The following MBOAT1 variants were observed in gnomAD, a reference collection of about 807,000 sequenced individuals.
The protein encoded by MBOAT1 is membrane-bound glycerophospholipid O-acyltransferase 1.
In MBOAT1, 67 loss-of-function variants were observed where a neutral mutation model predicts 64.4. The observed-to-expected ratio is 1.04, with a 90% confidence interval of 0.85 to 1.27. The LOEUF is 1.27. MBOAT1 is among the 50% of genes most tolerant of loss of function. MBOAT1 has a pLI of 0.00. For synonymous variants in MBOAT1, 229 were observed against 218.9 expected, an observed-to-expected ratio of 1.05 and a Z score of -0.41; for missense variants, 563 against 604.6, an observed-to-expected ratio of 0.93 and a Z score of 0.72.
At position 20,118,446 on chromosome 6, in the gene MBOAT1, C is replaced by T; in HGVS notation, c.1002G>A (p.Trp334Ter). 2 of 1,613,722 alleles carry T rather than the reference C, an allele frequency of 1.2e-6. No individual in the cohort carries two copies. Among genetic ancestry groups the T allele is most frequent in the Non-Finnish European group, 1.7e-6 (2 of 1,179,750 alleles). Residue 334 changes from tryptophan to a stop codon, truncating the protein, a stop_gained, in exon 9 of 13, where the codon TGG becomes TGA. Coordinates refer to ENST00000324607, the MANE Select transcript of MBOAT1 (RefSeq NM_001080480.3). LOFTEE classifies it high-confidence loss of function. ...CWDLLSNLNI[W>*]KIETATSFKM... Reference sequence around the variant, plus strand: ...AAAAGCATACACTCACCTCAATTTTCCAGATGTTTAGGTTCGAAAGCAGAT... The same window carrying T: ...AAAAGCATACACTCACCTCAATTTTTCAGATGTTTAGGTTCGAAAGCAGAT...
chr6:20,182,545 T>A (rs1444274622), intron 1 of MBOAT1, among the ~76,000 whole-genome samples: 1 of 152,166 alleles, frequency 6.6e-6, no homozygotes, highest in Non-Finnish European at 1.5e-5. Flanking sequence ...TCTCCCTCAG[T>A]CTGCCCAAGG....
intron 1 of MBOAT1, among the ~76,000 whole-genome samples, chr6:20,165,868 A>G (rs1444691426): frequency 1.3e-5 from 2 of 152,202 alleles, no homozygotes; most frequent in Non-Finnish European, 2.9e-5. Context: ...AGGTCCTTCC[A>G]GGCATCTAGG....
At chr6:20,137,727 CA>C (rs1182327359) in intron 4 of MBOAT1, among the ~76,000 whole-genome samples, 1 of 151,870 alleles carries the variant, frequency 6.6e-6, no homozygotes, top group Non-Finnish European at 1.5e-5. Context: ...AACACACACA[CA>C]CACACACACA....
intron 12 of MBOAT1, among the ~76,000 whole-genome samples, chr6:20,105,767 G>A (rs938339404): frequency 3.9e-5 from 6 of 152,192 alleles, no homozygotes; most frequent in Non-Finnish European, 8.8e-5. Context: ...CGGCAACGGA[G>A]GAGACCCCAA....
At chr6:20,110,038 T>C (rs1016195750) in intron 11 of MBOAT1, among the ~76,000 whole-genome samples, 1 of 150,830 alleles carries the variant, frequency 6.6e-6, no homozygotes, top group African/African-American at 2.4e-5. Flanking sequence ...GCCTCCCAAG[T>C]AGCTGGGATT....
chr6:20,131,021 GAACAAGATAA>G (rs1385065929), intron 5 of MBOAT1, 113 bp downstream of exon 5: 3 of 829,146 alleles, frequency 3.6e-6, no homozygotes, highest in Non-Finnish European at 5.8e-6. Flanking sequence ...TGGAAATTTT[GAACAAGATAA>G]AGCAAGATCT....
intron 12 of MBOAT1, 133 bp downstream of exon 12, chr6:20,109,465 A>C (rs2457334): frequency 0.41 from 460,882 of 1,111,282 alleles, 97,565 homozygotes; most frequent in South Asian, 0.48. Flanking sequence ...TAAAGCTTCT[A>C]TGGACACTTC....
At chr6:20,118,373 A>C in intron 9 of MBOAT1, 64 bp downstream of exon 9, 1 of 1,329,872 alleles carries the variant, frequency 7.5e-7, no homozygotes, top group South Asian at 1.2e-5. Context: ...CTGGGGATAC[A>C]ACACTCAAAG....
At chr6:20,108,099 G>C (rs867526968) in intron 12 of MBOAT1, among the ~76,000 whole-genome samples, 3 of 152,320 alleles carry the variant, frequency 2.0e-5, no homozygotes, top group Middle Eastern at 6.8e-3. Context: ...CCCCAGTGAA[G>C]GGGGCTCCTG....
intron 4 of MBOAT1, among the ~76,000 whole-genome samples, chr6:20,131,502 T>C (rs528256771): frequency 2.6e-5 from 4 of 152,320 alleles, no homozygotes; most frequent in Non-Finnish European, 2.9e-5. Flanking sequence ...TCCGCCATGA[T>C]TGTAAGTTTC....
At chr6:20,148,007 G>A (rs1482896784) in intron 3 of MBOAT1, among the ~76,000 whole-genome samples, 9 of 152,222 alleles carry the variant, frequency 5.9e-5, no homozygotes, top group African/African-American at 1.9e-4. Context: ...TTCTGCTCCA[G>A]TTGGTTCACG....
intron 4 of MBOAT1, among the ~76,000 whole-genome samples, chr6:20,136,847 C>T (rs896958194): frequency 2.0e-5 from 3 of 152,160 alleles, no homozygotes; most frequent in African/African-American, 7.2e-5. Context: ...ATACTGCTTT[C>T]GCATTTTCAA....
At chr6:20,177,773 CAAA>C (rs58552446) in intron 1 of MBOAT1, among the ~76,000 whole-genome samples, 14,424 of 84,658 alleles carry the variant, frequency 0.17, 822 homozygotes, top group South Asian at 0.28. Flanking sequence ...GACTCCGTCT[CAAA>C]AAAAAAAAAA....
At chr6:20,186,149 C>T (rs1762646890) in intron 1 of MBOAT1, among the ~76,000 whole-genome samples, 1 of 152,188 alleles carries the variant, frequency 6.6e-6, no homozygotes, top group African/African-American at 2.4e-5. Context: ...TGCCACTGTA[C>T]TCCAGCATGG....
rs1374659332 is a variant in MBOAT1, at chr6:20,131,209, A to G, written c.420-10T>C. On this transcript the variant is annotated splice_polypyrimidine_tract_variant and intron_variant, in intron 4 of 12. Transcript: ENST00000324607. ...GACAATCATCAGAGGCCTGGAAGGA[A>G]GACAGAAAATAATCAAGATTGGCAA... 1 of 1,613,004 alleles carries G rather than the reference A, an allele frequency of 6.2e-7. No individual in the cohort carries two copies. Among genetic ancestry groups the G allele is most frequent in the Non-Finnish European group, 8.5e-7 (1 of 1,179,160 alleles).
At chr6:20,188,976 A>G (rs1561782164) in intron 1 of MBOAT1, among the ~76,000 whole-genome samples, 1 of 152,100 alleles carries the variant, frequency 6.6e-6, no homozygotes, top group Non-Finnish European at 1.5e-5. Flanking sequence ...TGAGGGGTAG[A>G]TTCCTTCTTT....
rs1760654543 is a variant in MBOAT1 at position 20,126,533 on chromosome 6, G to A, written c.698C>T (p.Pro233Leu). The change falls in exon 7 of 13, where the codon CCA becomes CTA. Residue 233 changes from proline to leucine, a missense_variant. Transcript: ENST00000324607. ...NWKRKGFHSL[P>L]EPSPTGAVIH... ...AAAACTTACTGTGGGAGAAGGTTCTGGCAAGCTGTGGAAACCTTTTCGCTT... is the reference window on the plus strand; with the variant it reads ...AAAACTTACTGTGGGAGAAGGTTCTAGCAAGCTGTGGAAACCTTTTCGCTT... 1 of 1,609,982 alleles carries A rather than the reference G, an allele frequency of 6.2e-7. No homozygotes were observed. The highest frequency in any genetic ancestry group is 1.7e-5 in the Admixed American group (1 of 58,766).
chr6:20,158,962 T>G (rs1761771034), intron 1 of MBOAT1, among the ~76,000 whole-genome samples: 1 of 152,146 alleles, frequency 6.6e-6, no homozygotes, highest in East Asian at 1.9e-4. Flanking sequence ...GCCAGCACAC[T>G]GTCAGGAGAA....
intron 3 of MBOAT1, among the ~76,000 whole-genome samples, chr6:20,150,717 C>T (rs1761467192): frequency 6.7e-6 from 1 of 149,840 alleles, no homozygotes; most frequent in South Asian, 2.1e-4. Context: ...GTGCGCACCA[C>T]TACGCCCAGC....
Sources: allele counts gnomAD v4.1 joint callset (sites outside exome capture counted in the v4.1 genomes callset), GRCh38; gene constraint gnomAD v4.1.1; transcripts MANE v1.5; gene names NCBI Gene and HGNC (gene_info 2026-07-23, HGNC 2026-07-21).